FRMD4A: variants seen among roughly 807,000 people sequenced by gnomAD.
FRMD4A encodes FERM domain containing 4A, also known as FERM domain-containing protein 4A.
In FRMD4A, 29 loss-of-function variants were observed where a neutral mutation model predicts 129.1. That is an observed-to-expected ratio of 0.22 (90% CI 0.17 to 0.31). The LOEUF (loss-of-function observed/expected upper bound fraction) is 0.31. Ranked by LOEUF, FRMD4A falls within the 10% of genes least tolerant of loss-of-function variation. FRMD4A has a pLI of 1.00. For synonymous variants in FRMD4A, 634 were observed against 571.6 expected, an observed-to-expected ratio of 1.11 and a Z score of -1.56; for missense variants, 1,272 against 1,375.8, an observed-to-expected ratio of 0.92 and a Z score of 1.19.
chr10:13,915,400 C>G (rs558219759), intron 2 of FRMD4A, among the ~76,000 whole-genome samples: 2 of 151,710 alleles, frequency 1.3e-5, no homozygotes, highest in Non-Finnish European at 2.9e-5. Context: ...AGGCTGGGCT[C>G]GGTGGCTCAC....
chr10:14,209,465 G>T (rs1316896937), intron 2 of FRMD4A, among the ~76,000 whole-genome samples: 2 of 152,138 alleles, frequency 1.3e-5, no homozygotes, highest in African/African-American at 4.8e-5. Context: ...TAAGGAAAGT[G>T]GTGGGCATGG....
intron 13 of FRMD4A, among the ~76,000 whole-genome samples, chr10:13,702,970 A>T (rs2087005466): frequency 6.6e-6 from 1 of 151,876 alleles, no homozygotes; most frequent in Non-Finnish European, 1.5e-5. Flanking sequence ...AAATAATTGA[A>T]AAAAGGAGCC....
chr10:13,675,147 C>T, intron 15 of FRMD4A, 103 bp from the exon 16 acceptor site: 1 of 1,072,010 alleles, frequency 9.3e-7, no homozygotes, highest in South Asian at 1.3e-5. Flanking sequence ...GGGATTTACC[C>T]CAGGAATCAA....
At chr10:13,875,342 C>T (rs752223438) in intron 2 of FRMD4A, among the ~76,000 whole-genome samples, 3 of 152,190 alleles carry the variant, frequency 2.0e-5, no homozygotes, top group Non-Finnish European at 4.4e-5. Flanking sequence ...GCAAGATCCA[C>T]AAGCACTTGG....
At position 13,657,230 on chromosome 10, in the gene FRMD4A, G is replaced by C. The variant is rs1427899821; in HGVS notation, c.2359C>G (p.Gln787Glu). The C allele has an allele frequency of 6.3e-7, 1 of 1,575,584 alleles. No homozygotes were observed. The highest frequency in any genetic ancestry group is 1.1e-5 in the South Asian group (1 of 87,460). Residue 787 changes from glutamine to glutamate, a missense_variant, in exon 22 of 25, where the codon CAG becomes GAG. Physicochemically the swap from Gln to Glu is conservative, Grantham distance 29. This residue lies in a region of FRMD4A where 972 missense variants were observed against 892.3 expected (regional missense o/e 1.09). Transcript: ENST00000357447. ...SKARQRQRQRQRAAGALGSAS... is the reference protein window; with the variant it reads ...SKARQRQRQRERAAGALGSAS... ...GAGCCCAGTGCGCCCGCCGCCCGCT[G>C]CCGCTGCCTCTGCCTCTGGCGCGCC...
chr10:13,974,363 G>A (rs2095533364), intron 2 of FRMD4A, among the ~76,000 whole-genome samples: 1 of 152,076 alleles, frequency 6.6e-6, no homozygotes, highest in Non-Finnish European at 1.5e-5. Flanking sequence ...GCTTTAGTGG[G>A]GCTTGCTCTG....
intron 2 of FRMD4A, among the ~76,000 whole-genome samples, chr10:14,134,528 T>G: frequency 6.8e-6 from 1 of 146,400 alleles, no homozygotes. Context: ...GAGGGATGGG[T>G]GAAAAGATGG....
intron 2 of FRMD4A, among the ~76,000 whole-genome samples, chr10:14,134,583 G>C: frequency 6.6e-6 from 1 of 151,592 alleles, no homozygotes; most frequent in South Asian, 2.1e-4. Context: ...TAGGTGGGTA[G>C]ATGGATGGAT....
intron 2 of FRMD4A, among the ~76,000 whole-genome samples, chr10:13,872,174 TAGGA>T (rs79436377): frequency 0.087 from 13,265 of 152,172 alleles, 1,288 homozygotes; most frequent in African/African-American, 0.23. Flanking sequence ...CCTGCTCCTA[TAGGA>T]AGGCCCGGGG....
chr10:13,954,314 G>A (rs2095394606), intron 2 of FRMD4A, among the ~76,000 whole-genome samples: 1 of 152,148 alleles, frequency 6.6e-6, no homozygotes, highest in Non-Finnish European at 1.5e-5. Context: ...TCACATGGCT[G>A]GGGAGGCCTC....
intron 6 of FRMD4A, among the ~76,000 whole-genome samples, chr10:13,781,359 T>C (rs1192553043): frequency 1.6e-5 from 2 of 122,132 alleles, no homozygotes; most frequent in African/African-American, 3.0e-5. Flanking sequence ...CGCTACAACA[T>C]GGATGAACCT....
At chr10:13,807,563 C>A (rs1057206986) in intron 4 of FRMD4A, among the ~76,000 whole-genome samples, 1 of 122,004 alleles carries the variant, frequency 8.2e-6, no homozygotes, top group Non-Finnish European at 1.9e-5. Flanking sequence ...TGATTGCTAA[C>A]AATATTAAAC....
Position 14,162,224 on chromosome 10 carries a change from C to T in FRMD4A, c.45+167834G>A, listed in dbSNP as rs958769832. Among the ~76,000 whole-genome samples, 9 of 152,122 alleles carry T rather than the reference C, an allele frequency of 5.9e-5. No homozygotes were observed. In the South Asian group the frequency reaches 1.5e-3, roughly 25 times the overall value. ...GGGCTCGATAGTCACATGCAGTTAG[C>T]GGCCACCACACTAGACAAGGCATCT... On this transcript the variant is annotated intron_variant, in intron 2 of 24. Transcript: ENST00000357447.
chr10:14,194,551 C>A (rs1467739659), intron 2 of FRMD4A, among the ~76,000 whole-genome samples: 1 of 152,156 alleles, frequency 6.6e-6, no homozygotes, highest in Non-Finnish European at 1.5e-5. Flanking sequence ...GCGGAGCTTG[C>A]AGTGAGCCGA....
chr10:13,827,065 AG>A (rs2093711924), intron 3 of FRMD4A, among the ~76,000 whole-genome samples: 3 of 152,242 alleles, frequency 2.0e-5, no homozygotes, highest in Non-Finnish European at 1.5e-5. Context: ...TAGGGGGATT[AG>A]GAACTTAAGT....
In FRMD4A at chr10:14,220,554, T is replaced by C. The variant is rs539018628; in HGVS notation, c.45+109504A>G. Among the ~76,000 whole-genome samples the C allele has an allele frequency of 1.8e-3, 272 of 152,340 alleles. 4 individuals are homozygous for C. The highest frequency in any genetic ancestry group is 2.9e-4 in the Non-Finnish European group (20 of 68,028). On this transcript the variant is annotated intron_variant, in intron 2 of 24. Transcript: ENST00000357447. ...GTATGTGGGTTCTCCTACATGAAAT[T>C]CTTCACATTGCCATACTGTCTGAAA... is the stretch of plus-strand genomic sequence containing the variant.
At chr10:14,282,808 G>A (rs564504204) in intron 2 of FRMD4A, among the ~76,000 whole-genome samples, 1 of 152,216 alleles carries the variant, frequency 6.6e-6, no homozygotes, top group Admixed American at 6.5e-5. Context: ...TAAAATTAGG[G>A]TTCTTCAAGC....
At chr10:13,893,707 G>T (rs1412592364) in intron 2 of FRMD4A, among the ~76,000 whole-genome samples, 3 of 151,890 alleles carry the variant, frequency 2.0e-5, no homozygotes, top group African/African-American at 4.8e-5. Context: ...TAGAGGCGGG[G>T]TTTTGCCATG....
chr10:14,302,026 A>C (rs1222703783), intron 2 of FRMD4A, among the ~76,000 whole-genome samples: 1 of 152,234 alleles, frequency 6.6e-6, no homozygotes, highest in Non-Finnish European at 1.5e-5. Context: ...GTCTGAAACC[A>C]TCACCTCAAG....
Sources: gnomAD v4.1 joint callset for allele counts (sites outside exome capture counted in the v4.1 genomes callset) on GRCh38, gnomAD v4.1.1 for gene constraint, gnomAD v4.1.1 regional missense constraint, MANE v1.5 for transcripts, NCBI Gene and HGNC (gene_info 2026-07-23, HGNC 2026-07-21) for gene names.